The following ENTREP3 variants were observed in gnomAD, a reference collection of about 807,000 sequenced individuals.
ENTREP3 encodes the protein endosomal transmembrane epsin interactor 3.
chr1:155,253,574 C>T, the ENTREP3 span: 3 of 1,329,428 alleles, frequency 2.3e-6, no homozygotes, highest in South Asian at 2.5e-5. Context: ...TCAGCACACA[C>T]ACCCCTGCCC....
the ENTREP3 span, chr1:155,251,287 G>A: frequency 4.8e-6 from 4 of 828,142 alleles, no homozygotes; most frequent in Non-Finnish European, 3.8e-6. Context: ...ACTTAATTGT[G>A]CAGCCTCAGC....
chr1:155,250,727 C>G, the ENTREP3 span: 1 of 1,613,114 alleles, frequency 6.2e-7, no homozygotes, highest in South Asian at 1.1e-5. This position sits in a 1 kb window ranked among gnomAD's most constrained non-coding sequence, Gnocchi z 5.4. Flanking sequence ...GCACGGAGCC[C>G]TGCAGCTCCA....
chr1:155,251,528 C>T, the ENTREP3 span: 1 of 1,613,910 alleles, frequency 6.2e-7, no homozygotes. Context: ...AGTCCCATGA[C>T]TGCCTCATAA....
chr1:155,248,114 C>A, the ENTREP3 span: 1 of 1,614,162 alleles, frequency 6.2e-7, no homozygotes, highest in East Asian at 2.2e-5. Context: ...CTGGAGGAAA[C>A]GAGTGACCAG....
the ENTREP3 span, among the ~76,000 whole-genome samples, chr1:155,248,631 T>C: frequency 6.7e-6 from 1 of 148,594 alleles, no homozygotes; most frequent in Non-Finnish European, 1.5e-5. Flanking sequence ...AGCCAGCAAC[T>C]AGATGGTACA....
the ENTREP3 span, chr1:155,254,179 A>C: frequency 6.2e-7 from 1 of 1,613,708 alleles, no homozygotes. The surrounding 1 kb of genome is among the most constrained non-coding windows in gnomAD (Gnocchi z 4.4). Flanking sequence ...ACCGAAAGCA[A>C]GGAGAAGAAG....
the ENTREP3 span, chr1:155,251,502 C>T: frequency 3.1e-6 from 5 of 1,612,266 alleles, no homozygotes; most frequent in Non-Finnish European, 4.2e-6. Flanking sequence ...GTGCTCTCAC[C>T]TGGCTGTCTC....
chr1:155,254,042 C>T, the ENTREP3 span: 6 of 1,613,692 alleles, frequency 3.7e-6, no homozygotes, highest in South Asian at 1.1e-5. The surrounding 1 kb of genome is among the most constrained non-coding windows in gnomAD (Gnocchi z 4.4). Flanking sequence ...CTGCACACCT[C>T]CCCCAGCCAG....
At chr1:155,248,496 G>A in the ENTREP3 span, 27 of 1,607,484 alleles carry the variant, frequency 1.7e-5, no homozygotes, top group Non-Finnish European at 3.4e-6. Flanking sequence ...GAGAAAGGGA[G>A]ACAGGGAGTG....
the ENTREP3 span, chr1:155,251,089 GC>G: frequency 6.2e-7 from 1 of 1,611,116 alleles, no homozygotes; most frequent in African/African-American, 1.3e-5. Flanking sequence ...ATTACGCCCT[GC>G]TCACCGTCTA....
At chr1:155,254,293 C>T in the ENTREP3 span, 35 of 1,502,662 alleles carry the variant, frequency 2.3e-5, no homozygotes, top group South Asian at 1.7e-4. The surrounding 1 kb of genome is among the most constrained non-coding windows in gnomAD (Gnocchi z 4.4). Context: ...CGTGCCCACC[C>T]GGCTGGCACC....
At chr1:155,251,133 C>T in the ENTREP3 span, 3 of 1,612,302 alleles carry the variant, frequency 1.9e-6, no homozygotes, top group Non-Finnish European at 1.7e-6. Flanking sequence ...GATGCACGAG[C>T]CATCGTGAAG....
chr1:155,254,091 C>T, the ENTREP3 span: 1 of 1,614,028 alleles, frequency 6.2e-7, no homozygotes, highest in African/African-American at 1.3e-5. This position sits in a 1 kb window ranked among gnomAD's most constrained non-coding sequence, Gnocchi z 4.4. Flanking sequence ...CACCAGAGAG[C>T]ACTGTTGGAA....
the ENTREP3 span, among the ~76,000 whole-genome samples, chr1:155,248,708 G>A: frequency 6.6e-6 from 1 of 151,128 alleles, no homozygotes; most frequent in East Asian, 1.9e-4. Context: ...GCGTTCCCCA[G>A]TACTATCTCC....
chr1:155,249,740 G>A, the ENTREP3 span, among the ~76,000 whole-genome samples: 5 of 152,084 alleles, frequency 3.3e-5, no homozygotes, highest in African/African-American at 9.7e-5. Context: ...ATAGCCGGGC[G>A]TGGTGGCAGG....
chr1:155,253,464 C>T, the ENTREP3 span: 1 of 602,790 alleles, frequency 1.7e-6, no homozygotes, highest in East Asian at 2.9e-5. Flanking sequence ...TCATCCTCCC[C>T]ACTAAACATC....
the ENTREP3 span, chr1:155,254,798 T>G: frequency 6.2e-7 from 1 of 1,612,430 alleles, no homozygotes; most frequent in Non-Finnish European, 8.5e-7. The surrounding 1 kb of genome is among the most constrained non-coding windows in gnomAD (Gnocchi z 4.4). Flanking sequence ...CCAGGGTCGG[T>G]GGAGGCGGAG....
chr1:155,250,428 G>T, the ENTREP3 span: 1 of 1,389,868 alleles, frequency 7.2e-7, no homozygotes. The surrounding 1 kb of genome is among the most constrained non-coding windows in gnomAD (Gnocchi z 5.4). Flanking sequence ...GGTGGGCGGG[G>T]CTGCGGCTGG....
the ENTREP3 span, chr1:155,247,298 A>T: frequency 2.3e-6 from 1 of 433,544 alleles, no homozygotes; most frequent in Non-Finnish European, 4.6e-6. Flanking sequence ...TCTTTAATGG[A>T]GCAGGCAATT....
Sources: allele counts gnomAD v4.1 joint callset (sites outside exome capture counted in the v4.1 genomes callset), GRCh38; gene constraint gnomAD v4.1.1; non-coding constraint Gnocchi (gnomAD v3.1); transcripts MANE v1.5; gene names NCBI Gene and HGNC (gene_info 2026-07-23, HGNC 2026-07-21).